The following UBE4A variants were observed in gnomAD, a reference collection of about 807,000 sequenced individuals.
UBE4A encodes the protein ubiquitination factor E4A.
In UBE4A, 48 loss-of-function variants were observed where a neutral mutation model predicts 117.9. The ratio of observed to expected loss-of-function variants is 0.41; its 90% CI spans 0.32 to 0.52. The LOEUF (loss-of-function observed/expected upper bound fraction) is 0.52, where lower values mean the gene tolerates loss of function less well. UBE4A is among the 20% of genes least tolerant of loss of function. The pLI is 0.33. For synonymous variants in UBE4A, 407 were observed against 450.0 expected, an observed-to-expected ratio of 0.90 and a Z score of 1.21; for missense variants, 1,067 against 1,296.3, an observed-to-expected ratio of 0.82 and a Z score of 2.72.
intron 19 of UBE4A, among the ~76,000 whole-genome samples, chr11:118,394,882 G>A (rs782806778): frequency 1.3e-4 from 19 of 151,636 alleles, no homozygotes; most frequent in South Asian, 4.2e-4. Context: ...GAGGCAGATC[G>A]CTTGAGCACA....
At chr11:118,395,810 C>T (rs1948865659) in intron 19 of UBE4A, among the ~76,000 whole-genome samples, 2 of 152,156 alleles carry the variant, frequency 1.3e-5, no homozygotes, top group African/African-American at 2.4e-5. Flanking sequence ...GGGTGGCTCA[C>T]GCCTGTAATC....
intron 8 of UBE4A, 46 bp from the exon 9 acceptor site, chr11:118,374,850 A>G (rs1368400723): frequency 1.4e-6 from 2 of 1,458,892 alleles, no homozygotes; most frequent in South Asian, 1.6e-5. Context: ...AATAAAAACT[A>G]TTAGGATTGT....
chr11:118,368,545 T>A, intron 2 of UBE4A, 86 bp from the exon 3 acceptor site: 11 of 1,407,486 alleles, frequency 7.8e-6, no homozygotes, highest in South Asian at 5.2e-5. Context: ...AATTATCATC[T>A]TCTTGGTTAC....
chr11:118,361,208 C>T (rs373240814), intron 1 of UBE4A, among the ~76,000 whole-genome samples: 2 of 151,964 alleles, frequency 1.3e-5, no homozygotes, highest in African/African-American at 4.8e-5. Flanking sequence ...TTAGTGGAGA[C>T]GGGGTTTCAC....
chr11:118,394,543 G>A (rs1948850526), intron 19 of UBE4A, among the ~76,000 whole-genome samples: 1 of 152,148 alleles, frequency 6.6e-6, no homozygotes, highest in Admixed American at 6.5e-5. Context: ...GGCTGAAGCA[G>A]GTGGATCACT....
chr11:118,368,825 A>G lies in UBE4A; in HGVS notation c.295+21A>G, dbSNP rs144744796. On this transcript the variant is annotated intron_variant, in intron 3 of 19. Coordinates refer to ENST00000252108, the MANE Select transcript of UBE4A (RefSeq NM_001204077.2). The stretch of plus-strand genomic sequence containing the variant: ...CAACAGTGAGTTACAAACTTATAGC[A>G]TTATTCTACCCTTCCTATTTGAGCT... 9.4e-5 allele frequency: 152 copies of G among 1,612,914 alleles called. No homozygotes were observed. The African/African-American group carries it at 1.9e-3, about 20-fold the overall frequency.
At chr11:118,391,596 C>T (rs1438858387) in intron 18 of UBE4A, among the ~76,000 whole-genome samples, 1 of 151,624 alleles carries the variant, frequency 6.6e-6, no homozygotes, top group Non-Finnish European at 1.5e-5. Context: ...AGATAGCGAC[C>T]ATCCTGGCTA....
chr11:118,372,592 C>T lies in UBE4A; in HGVS notation c.647C>T (p.Thr216Ile). Residue 216 changes from threonine to isoleucine, a missense_variant, in exon 6 of 20, where the codon ACC becomes ATC. By Grantham distance (89) the Thr-to-Ile change is moderately conservative. This residue lies in a region of UBE4A where 1,001 missense variants were observed against 1,184.0 expected (regional missense o/e 0.85). Coordinates refer to ENST00000252108, the MANE Select transcript of UBE4A (RefSeq NM_001204077.2). ...TVSNTRTVLLTPEIYVDQNIH... is the reference protein window; with the variant it reads ...TVSNTRTVLLIPEIYVDQNIH... ...TCCAATACCCGAACAGTTCTTCTCA[C>T]CCCAGAGATCTATGTTGACCAAAAC... 5.0e-6 allele frequency: 8 copies of T among 1,614,150 alleles called. No homozygotes were observed. The highest frequency in any genetic ancestry group is 5.9e-6 in the Non-Finnish European group (7 of 1,180,028).
intron 19 of UBE4A, 143 bp from the exon 20 acceptor site, chr11:118,396,171 C>A: frequency 1.1e-6 from 1 of 949,276 alleles, no homozygotes; most frequent in Non-Finnish European, 1.5e-6. Flanking sequence ...CTCACTCTTT[C>A]TAACCCCAAC....
chr11:118,379,299 C>A, intron 10 of UBE4A, 147 bp from the exon 11 acceptor site: 1 of 846,890 alleles, frequency 1.2e-6, no homozygotes, highest in Non-Finnish European at 1.8e-6. Flanking sequence ...TGTGTCCTGT[C>A]AAAAACTTTT....
In UBE4A at chr11:118,384,957, A is replaced by AT. The variant is rs782336439; in HGVS notation, c.2412+12_2412+13insT. The AT allele has an allele frequency of 1.3e-6, 2 of 1,562,908 alleles. No individual in the cohort carries two copies. Among genetic ancestry groups the AT allele is most frequent in the Non-Finnish European group, 1.7e-6 (2 of 1,154,296 alleles). On this transcript the variant is annotated intron_variant, in intron 15 of 19. Transcript: ENST00000252108. ...ATGAAGCCATACAGGTAAAAAAAAA[A>AT]AAAAAAAAAAAGATTTAACTTCTCC...
At position 118,377,238 on chromosome 11, in the gene UBE4A, G is replaced by A. The variant is rs921639304; in HGVS notation, c.1571+544G>A. 6.6e-5 allele frequency among the ~76,000 whole-genome samples: 10 copies of A among 151,898 alleles called. No homozygotes were observed. In the East Asian group the frequency reaches 7.7e-4, roughly 12 times the overall value. On this transcript the variant is annotated intron_variant, in intron 10 of 19. Transcript: ENST00000252108. Reference sequence around the variant, plus strand: ...GTCGTTGTTGTTGAAATGGATTTTCGCTCTTGTCACCTTGGCTGGAGTACA... The same window carrying A: ...GTCGTTGTTGTTGAAATGGATTTTCACTCTTGTCACCTTGGCTGGAGTACA...
chr11:118,369,261 G>A (rs1948589093), intron 3 of UBE4A, among the ~76,000 whole-genome samples, 162 bp from the exon 4 acceptor site: 1 of 150,878 alleles, frequency 6.6e-6, no homozygotes, highest in Non-Finnish European at 1.5e-5. Flanking sequence ...ACTAGAGGGG[G>A]AAAAAAAAAG....
Position 118,368,706 on chromosome 11 carries a change from C to T in UBE4A, c.197C>T (p.Ala66Val), listed in dbSNP as rs1413283479. ...ESLDEFDYSV[A>V]EISRSFRSQQ... ...CTGGATGAATTCGATTACTCTGTGG[C>T]TGAGATTAGCCGCTCATTCCGATCA... Residue 66 changes from alanine (A) to valine (V), a missense_variant, in exon 3 of 20, where the codon GCT (alanine) becomes GTT (valine). Physicochemically the swap from Ala to Val is moderately conservative, Grantham distance 64. Around this residue, in one of 3 missense-constraint regions of UBE4A, gnomAD observed 1,001 missense variants for 1,184.0 expected, o/e 0.85. Transcript: ENST00000252108. The T allele has an allele frequency of 6.8e-6, 11 of 1,614,056 alleles. No homozygotes were observed. Among genetic ancestry groups the T allele is most frequent in the Non-Finnish European group, 9.3e-6 (11 of 1,180,036 alleles).
intron 2 of UBE4A, among the ~76,000 whole-genome samples, chr11:118,366,414 A>G (rs369392645): frequency 1.2e-4 from 19 of 152,358 alleles, no homozygotes; most frequent in African/African-American, 4.1e-4. Context: ...GAAAAACTCA[A>G]CAGTATAGCA....
chr11:118,384,549 C>T (rs1555126833), intron 13 of UBE4A, 86 bp from the exon 14 acceptor site: 1 of 1,275,644 alleles, frequency 7.8e-7, no homozygotes. Context: ...AAGCAAATGA[C>T]TACAAAGCAA....
chr11:118,365,761 A>G (rs1052348511), intron 2 of UBE4A, among the ~76,000 whole-genome samples: 21 of 152,228 alleles, frequency 1.4e-4, no homozygotes, highest in African/African-American at 4.3e-4. Flanking sequence ...GTTAGGACAG[A>G]CTTTTTTAAA....
Position 118,391,800 on chromosome 11 carries a change from G to GAA in UBE4A, c.2917-926_2917-925dup, listed in dbSNP as rs11445365. Among the ~76,000 whole-genome samples, 1,297 of 138,880 alleles carry GAA rather than the reference G, an allele frequency of 9.3e-3. 20 individuals carry two copies. Among genetic ancestry groups the GAA allele is most frequent in the African/African-American group, 0.031 (1,198 of 38,726 alleles). The allele number at this position is 138,880 out of a possible 152,430, so 91.1% of individuals were successfully genotyped here. A position where few individuals can be genotyped will look rare whatever the true frequency, so the allele number is the denominator to read the frequency against. On this transcript the variant is annotated intron_variant, in intron 18 of 19. Coordinates refer to ENST00000252108, the MANE Select transcript of UBE4A (RefSeq NM_001204077.2). The stretch of plus-strand genomic sequence containing the variant: ...AAGAGCGAGACTCCATCTCAAAAAA[G>GAA]AAAAAAAAAAAAATTTAAGAAACCT...
At position 118,376,589 on chromosome 11, in the gene UBE4A, C is replaced by T. The variant is rs782189041; in HGVS notation, c.1466C>T (p.Thr489Ile). Residue 489 changes from threonine (T) to isoleucine (I), a missense_variant, in exon 10 of 20, where the codon ACC (threonine) becomes ATC (isoleucine). Thr to Ile is a moderately conservative substitution (Grantham distance 89, BLOSUM62 -1). This residue lies in a region of UBE4A where 1,001 missense variants were observed against 1,184.0 expected (regional missense o/e 0.85). Coordinates refer to ENST00000252108, the MANE Select transcript of UBE4A (RefSeq NM_001204077.2). ...NVHMRGLDKE[T>I]CLIPAVQEPK... Reference sequence around the variant, plus strand: ...CTTCTTTGAGGTTTGGACAAAGAAACCTGTTTGATCCCAGCTGTGCAGGAG... The same window carrying T: ...CTTCTTTGAGGTTTGGACAAAGAAATCTGTTTGATCCCAGCTGTGCAGGAG... 1 of 1,613,090 alleles carries T rather than the reference C, an allele frequency of 6.2e-7. No individual in the cohort carries two copies. The highest frequency in any genetic ancestry group is 8.5e-7 in the Non-Finnish European group (1 of 1,179,682).
Sources: gnomAD v4.1 joint callset for allele counts (sites outside exome capture counted in the v4.1 genomes callset) on GRCh38, gnomAD v4.1.1 for gene constraint, gnomAD v4.1.1 regional missense constraint, MANE v1.5 for transcripts, NCBI Gene and HGNC (gene_info 2026-07-23, HGNC 2026-07-21) for gene names.